PHACTR4: variants seen among roughly 807,000 people sequenced by gnomAD.
PHACTR4 encodes phosphatase and actin regulator 4.
Under a neutral mutation model 72.7 loss-of-function variants are expected in PHACTR4, and 51 were observed. The ratio of observed to expected loss-of-function variants is 0.70; its 90% CI spans 0.56 to 0.89. The LOEUF is 0.89. Among genes scored for constraint, PHACTR4 ranks in the 40% least tolerant of loss-of-function variants. The pLI, the probability that PHACTR4 is intolerant of heterozygous loss-of-function variation, is 0.00. For missense variants in PHACTR4, 731 were observed against 861.8 expected, an observed-to-expected ratio of 0.85 and a Z score of 1.90; for synonymous variants, 255 against 302.5, an observed-to-expected ratio of 0.84 and a Z score of 1.63.
intron 12 of PHACTR4, among the ~76,000 whole-genome samples, chr1:28,492,747 G>A (rs1331944019): frequency 5.9e-5 from 9 of 152,116 alleles, no homozygotes; most frequent in African/African-American, 1.2e-4. Flanking sequence ...GCAACGGAGC[G>A]AGATTCCATC....
intron 6 of PHACTR4, among the ~76,000 whole-genome samples, 178 bp from the exon 7 acceptor site, chr1:28,473,376 T>A (rs575976522): frequency 2.0e-5 from 3 of 152,124 alleles, no homozygotes; most frequent in Non-Finnish European, 4.4e-5. Context: ...TTAAGCCTTC[T>A]ATTTGAATAA....
chr1:28,397,389 A>G (rs1373717799), intron 1 of PHACTR4, among the ~76,000 whole-genome samples: 1 of 152,186 alleles, frequency 6.6e-6, no homozygotes, highest in African/African-American at 2.4e-5. Flanking sequence ...TGATATTTGA[A>G]ACTAACTTGT....
chr1:28,380,265 C>G (rs1343685601), intron 1 of PHACTR4, among the ~76,000 whole-genome samples: 1 of 150,892 alleles, frequency 6.6e-6, no homozygotes, highest in Non-Finnish European at 1.5e-5. Flanking sequence ...ACTGTGTTAG[C>G]CAGGATGGTC....
At chr1:28,376,675 C>T (rs1261674615) in intron 1 of PHACTR4, among the ~76,000 whole-genome samples, 4 of 150,232 alleles carry the variant, frequency 2.7e-5, no homozygotes, top group Admixed American at 6.7e-5. Flanking sequence ...CTTGCTCTGT[C>T]GCCCAGGCTG....
At chr1:28,493,136 T>C in intron 13 of PHACTR4, 45 bp downstream of exon 13, 1 of 1,541,014 alleles carries the variant, frequency 6.5e-7, no homozygotes, top group Non-Finnish European at 9.0e-7. Flanking sequence ...GGTAGAGTTT[T>C]CCAAAAAATT....
At chr1:28,399,167 C>A (rs1653757951) in intron 1 of PHACTR4, among the ~76,000 whole-genome samples, 1 of 152,014 alleles carries the variant, frequency 6.6e-6, no homozygotes, top group Non-Finnish European at 1.5e-5. Flanking sequence ...CAAAAATTAG[C>A]TGGGTGTGGT....
At chr1:28,407,794 C>T (rs1654465156) in intron 2 of PHACTR4, among the ~76,000 whole-genome samples, 1 of 152,108 alleles carries the variant, frequency 6.6e-6, no homozygotes, top group Non-Finnish European at 1.5e-5. Context: ...AAATCAAGAA[C>T]CATTTGACAA....
chr1:28,444,782 A>ATTTTTTTT (rs577693546), intron 2 of PHACTR4, among the ~76,000 whole-genome samples: 5,344 of 116,304 alleles, frequency 0.046, 293 homozygotes, highest in African/African-American at 0.14. Context: ...CACCCAGCTA[A>ATTTTTTTT]TTTTTTTTTT....
intron 8 of PHACTR4, 122 bp from the exon 9 acceptor site, chr1:28,480,329 G>A (rs1570088352): frequency 8.7e-7 from 1 of 1,144,592 alleles, no homozygotes; most frequent in Non-Finnish European, 1.2e-6. Flanking sequence ...GATCATTTGA[G>A]GCCAGGTGGG....
intron 2 of PHACTR4, chr1:28,438,463 T>A: frequency 6.2e-7 from 1 of 1,610,602 alleles, no homozygotes; most frequent in African/African-American, 1.3e-5. Flanking sequence ...ACAGAAAATC[T>A]TGACAGAAGC....
chr1:28,440,557 A>G (rs1656952811), intron 2 of PHACTR4, among the ~76,000 whole-genome samples: 1 of 151,366 alleles, frequency 6.6e-6, no homozygotes, highest in South Asian at 2.1e-4. Context: ...TCCTACCAGT[A>G]GCCCTAATAA....
At chr1:28,481,577 G>A (rs905635444) in intron 9 of PHACTR4, 4 of 151,972 alleles carry the variant, frequency 2.6e-5, no homozygotes, top group African/African-American at 9.7e-5. Context: ...ATCATCTGAG[G>A]TCAGGAGTTC....
chr1:28,471,479 G>A (rs563132795), intron 6 of PHACTR4, among the ~76,000 whole-genome samples: 7 of 152,170 alleles, frequency 4.6e-5, no homozygotes, highest in Non-Finnish European at 8.8e-5. Context: ...TGAAACTAAA[G>A]GGTTTGAGTA....
intron 9 of PHACTR4, among the ~76,000 whole-genome samples, chr1:28,486,020 G>T (rs932668611): frequency 6.6e-6 from 1 of 151,534 alleles, no homozygotes; most frequent in African/African-American, 2.4e-5. Flanking sequence ...CACAATAAGA[G>T]ACCACCACGA....
chr1:28,481,966 C>T (rs1024178255), intron 9 of PHACTR4, among the ~76,000 whole-genome samples: 3 of 151,920 alleles, frequency 2.0e-5, no homozygotes, highest in Non-Finnish European at 4.4e-5. Context: ...GGTGCAATCT[C>T]GGCTTACTGC....
Position 28,466,573 on chromosome 1 carries a change from G to A in PHACTR4, c.628G>A (p.Ala210Thr). 6.2e-7 allele frequency: 1 copy of A among 1,614,046 alleles called. No individual in the cohort carries two copies. The highest frequency in any genetic ancestry group is 1.3e-5 in the African/African-American group (1 of 75,018). Residue 210 changes from alanine (A) to threonine (T), a missense_variant, in exon 6 of 14, where the codon GCC (alanine) becomes ACC (threonine). Around this residue, in one of 2 missense-constraint regions of PHACTR4, gnomAD observed 621 missense variants for 676.6 expected, o/e 0.92. Transcript: ENST00000373839. ...CACCTCCATCACCACAGCACCCGCT[G>A]CCACCACTGCTGCCACAAGCCTTGC... ...ISTSITTAPA[A>T]TTAATSLAKT... is the part of the protein sequence containing the mutation.
chr1:28,395,058 C>T (rs1223854310), intron 1 of PHACTR4, among the ~76,000 whole-genome samples: 4 of 151,516 alleles, frequency 2.6e-5, no homozygotes, highest in Non-Finnish European at 5.9e-5. Context: ...GGATTACAGG[C>T]GCCCACCACC....
intron 2 of PHACTR4, among the ~76,000 whole-genome samples, chr1:28,445,277 C>T (rs1331832531): frequency 6.6e-6 from 1 of 152,084 alleles, no homozygotes; most frequent in African/African-American, 2.4e-5. Context: ...TTTTTTAAGA[C>T]AGAGTCTCGC....
intron 2 of PHACTR4, among the ~76,000 whole-genome samples, chr1:28,416,732 C>T (rs1478625357): frequency 6.6e-6 from 1 of 152,164 alleles, no homozygotes; most frequent in Non-Finnish European, 1.5e-5. Flanking sequence ...GTCATGCACC[C>T]TGGACAGACG....
Sources: allele counts gnomAD v4.1 joint callset (sites outside exome capture counted in the v4.1 genomes callset), GRCh38; gene constraint gnomAD v4.1.1; regional missense constraint gnomAD v4.1.1; transcripts MANE v1.5; gene names NCBI Gene and HGNC (gene_info 2026-07-23, HGNC 2026-07-21).